The following KDELR2 variants were observed in gnomAD, a reference collection of about 807,000 sequenced individuals.
KDELR2 encodes the protein KDEL endoplasmic reticulum protein retention receptor 2.
KDELR2 carries 15 observed loss-of-function variants against 23.9 expected under a neutral mutation model. The ratio of observed to expected loss-of-function variants is 0.63; its 90% CI spans 0.42 to 0.97. KDELR2 has a LOEUF of 0.97. KDELR2 is among the 50% of genes least tolerant of loss of function. KDELR2 has a pLI of 0.00. For missense variants in KDELR2, 272 were observed against 254.6 expected (o/e 1.07, Z -0.46); for synonymous variants, 119 against 106.2 (o/e 1.12, Z -0.74).
At position 6,466,300 on chromosome 7, in the gene KDELR2, G is replaced by A; in HGVS notation, c.375C>T (p.Tyr125=). The A allele has an allele frequency of 6.2e-7, 1 of 1,614,054 alleles. No homozygotes were observed. The highest frequency in any genetic ancestry group is 1.7e-4 in the Middle Eastern group (1 of 5,992). ...GCGGAAGGATAGCCACGGACTCCAG[G>A]TAGATGGAGAAGGTCCAGAGGATCT... ...PLEILWTFSI[Y]LESVAILPQL... The change falls in exon 4 of 5, where the codon TAC becomes TAT. Residue 125 remains tyrosine (Y), a synonymous_variant. Transcript: ENST00000258739.
chr7:6,461,302 G>C lies in KDELR2; in HGVS notation c.*1839C>G, dbSNP rs1785384215. ...CTTTTACTTGGGTAGGATGACTGCA[G>C]AAGGAATGGCTACACAGAGCTTCCA... On this transcript the variant is annotated 3_prime_UTR_variant, in exon 5 of 5. Coordinates refer to ENST00000258739, the MANE Select transcript of KDELR2 (RefSeq NM_006854.4). 6.6e-6 allele frequency: 1 copy of C among 152,136 alleles called. No individual in the cohort carries two copies. The highest frequency in any genetic ancestry group is 2.4e-5 in the African/African-American group (1 of 41,414). The allele number at this position is 152,136 out of a possible 1,614,324, so 9.4% of individuals were successfully genotyped here.
rs1232740749 is a variant in KDELR2, at chr7:6,463,188, A to G, written c.605-13T>C. The G allele has an allele frequency of 6.2e-7, 1 of 1,601,456 alleles. No individual in the cohort carries two copies. Among genetic ancestry groups the G allele is most frequent in the Admixed American group, 1.8e-5 (1 of 57,126 alleles). On this transcript the variant is annotated splice_polypyrimidine_tract_variant and intron_variant, in intron 4 of 4. Transcript: ENST00000258739. ...TTTCCCTTGAGTACTAGAATTTCAAAGAGAAGAAAAGAAAACAAAAGGTTA... is the reference window on the plus strand; with the variant it reads ...TTTCCCTTGAGTACTAGAATTTCAAGGAGAAGAAAAGAAAACAAAAGGTTA...
Position 6,462,296 on chromosome 7 carries a change from G to A in KDELR2, c.*845C>T, listed in dbSNP as rs913287343. The A allele has an allele frequency of 1.3e-5, 2 of 152,204 alleles. No homozygotes were observed. The highest frequency in any genetic ancestry group is 4.8e-5 in the African/African-American group (2 of 41,448). 9.4% of individuals were successfully genotyped at this position (152,204 alleles called of 1,614,324 possible). A position where few individuals can be genotyped will look rare whatever the true frequency, so the allele number is the denominator to read the frequency against. On this transcript the variant is annotated 3_prime_UTR_variant, in exon 5 of 5. Coordinates refer to ENST00000258739, the MANE Select transcript of KDELR2 (RefSeq NM_006854.4). ...TCATCTTTTGGAATTATAAGTGAAA[G>A]TGATAGGTAACTCCTTGTGTTCCAT...
At chr7:6,468,897 T>A (rs1003169924) in intron 3 of KDELR2, among the ~76,000 whole-genome samples, 14 of 151,884 alleles carry the variant, frequency 9.2e-5, no homozygotes, top group African/African-American at 3.4e-4. Context: ...CACCTCGGCC[T>A]CCCAAAATGC....
intron 3 of KDELR2, among the ~76,000 whole-genome samples, 165 bp downstream of exon 3, chr7:6,469,431 A>G (rs1028362098): frequency 1.3e-5 from 2 of 151,598 alleles, no homozygotes; most frequent in African/African-American, 4.9e-5. Context: ...AATTTTTTGT[A>G]TTTTTAGTAG....
At chr7:6,469,169 G>A (rs1173554263) in intron 3 of KDELR2, among the ~76,000 whole-genome samples, 23 of 151,128 alleles carry the variant, frequency 1.5e-4, no homozygotes, top group Non-Finnish European at 2.5e-4. Context: ...AGCCAGTATA[G>A]TCTCGATCTC....
At chr7:6,473,371 C>T (rs1406288703) in intron 2 of KDELR2, among the ~76,000 whole-genome samples, 1 of 152,154 alleles carries the variant, frequency 6.6e-6, no homozygotes, top group African/African-American at 2.4e-5. Flanking sequence ...ATCCTCAGTT[C>T]CCAGCTCTGT....
At chr7:6,469,923 A>C (rs370875248) in intron 2 of KDELR2, 169 bp from the exon 3 acceptor site, 2 of 545,284 alleles carry the variant, frequency 3.7e-6, no homozygotes. Context: ...GGAGGTGTTC[A>C]GTTCTGAGGC....
At chr7:6,477,111 C>T (rs1232043987) in intron 1 of KDELR2, among the ~76,000 whole-genome samples, 2 of 152,234 alleles carry the variant, frequency 1.3e-5, no homozygotes, top group Admixed American at 6.5e-5. Context: ...GTCTCTGTGA[C>T]TGTAAATAGG....
chr7:6,470,424 G>A (rs78988929), intron 2 of KDELR2: 23,896 of 152,180 alleles, frequency 0.16, 2,206 homozygotes, highest in Non-Finnish European at 0.21. Context: ...GTGGGTGAGC[G>A]CGCCCTGTGA....
In KDELR2 at chr7:6,462,753, C is replaced by T. The variant is rs923051660; in HGVS notation, c.*388G>A. The T allele has an allele frequency of 3.6e-5, 17 of 466,258 alleles. No homozygotes were observed. The highest frequency in any genetic ancestry group is 5.3e-5 in the Non-Finnish European group (14 of 266,360). 28.9% of individuals were successfully genotyped at this position (466,258 alleles called of 1,614,324 possible). A position where few individuals can be genotyped will look rare whatever the true frequency, so the allele number is the denominator to read the frequency against. Reference sequence around the variant, plus strand: ...GAAGAATATATAATCTATCAACTGTCAAGGAGTACAATTTCATTGCAGACA... The same window carrying T: ...GAAGAATATATAATCTATCAACTGTTAAGGAGTACAATTTCATTGCAGACA... On this transcript the variant is annotated 3_prime_UTR_variant, in exon 5 of 5. Transcript: ENST00000258739.
At chr7:6,472,654 G>C (rs1274150151) in intron 2 of KDELR2, among the ~76,000 whole-genome samples, 1 of 152,136 alleles carries the variant, frequency 6.6e-6, no homozygotes, top group Non-Finnish European at 1.5e-5. Flanking sequence ...GTAAAGACCA[G>C]ACTCACATAC....
At chr7:6,481,161 G>A (rs1316788656) in intron 1 of KDELR2, among the ~76,000 whole-genome samples, 2 of 152,120 alleles carry the variant, frequency 1.3e-5, no homozygotes, top group African/African-American at 4.8e-5. Context: ...ATGAGGTCAG[G>A]AGACCGAGAC....
intron 1 of KDELR2, among the ~76,000 whole-genome samples, chr7:6,475,365 T>G (rs913845815): frequency 2.0e-5 from 3 of 152,140 alleles, no homozygotes; most frequent in Non-Finnish European, 4.4e-5. Context: ...AGGCTGAGGC[T>G]GAGTGAGCTG....
chr7:6,464,732 T>C (rs1785464160), intron 4 of KDELR2, among the ~76,000 whole-genome samples: 1 of 124,884 alleles, frequency 8.0e-6, no homozygotes, highest in Admixed American at 8.3e-5. Context: ...GCTCTTTTTT[T>C]TCTTTTTTTT....
At chr7:6,463,753 T>C (rs984043519) in intron 4 of KDELR2, among the ~76,000 whole-genome samples, 1 of 117,440 alleles carries the variant, frequency 8.5e-6, no homozygotes, top group Non-Finnish European at 1.9e-5. Flanking sequence ...TTTAAAAAGA[T>C]AAAAAAAAAA....
chr7:6,472,347 T>C (rs1273505524), intron 2 of KDELR2, among the ~76,000 whole-genome samples: 1 of 152,148 alleles, frequency 6.6e-6, no homozygotes, highest in Non-Finnish European at 1.5e-5. Flanking sequence ...GCTTCTCTCC[T>C]CTCACCAGCA....
intron 1 of KDELR2, among the ~76,000 whole-genome samples, chr7:6,480,910 C>T (rs1785873928): frequency 6.6e-6 from 1 of 152,140 alleles, no homozygotes; most frequent in African/African-American, 2.4e-5. Context: ...CAGAAATCAT[C>T]CTAAGTCTGA....
intron 1 of KDELR2, 36 bp downstream of exon 1, chr7:6,483,931 C>T (rs768148995): frequency 7.6e-6 from 11 of 1,441,164 alleles, no homozygotes; most frequent in Middle Eastern, 3.8e-4. Context: ...CCGGCCCCCA[C>T]GCCCGAGCCT....
Sources: allele counts gnomAD v4.1 joint callset (sites outside exome capture counted in the v4.1 genomes callset), GRCh38; gene constraint gnomAD v4.1.1; transcripts MANE v1.5; gene names NCBI Gene and HGNC (gene_info 2026-07-23, HGNC 2026-07-21).